NARF: variants seen among roughly 807,000 people sequenced by gnomAD.
NARF encodes the protein nuclear prelamin A recognition factor.
A neutral mutation model predicts 48.0 loss-of-function variants in NARF; 41 were observed. That is an observed-to-expected ratio of 0.85 (90% CI 0.66 to 1.11). NARF has a LOEUF of 1.11. Among genes scored for constraint, NARF ranks in the 50% least tolerant of loss-of-function variants. The probability of loss-of-function intolerance (pLI) is 0.00; values close to 1 mark genes in which losing one functional copy is unlikely to be tolerated. For missense variants in NARF, 613 were observed against 590.2 expected (o/e 1.04, Z -0.40); for synonymous variants, 215 against 225.5 (o/e 0.95, Z 0.42).
At position 82,487,983 on chromosome 17, in the gene NARF, G is replaced by C. The variant is rs761637397; in HGVS notation, c.1197G>C (p.Gln399His). ...ATGCGGATAAGGCCCTGCTGCGGCA[G>C]ATGGAAGGCATTTACGCTGACATCC... is the stretch of plus-strand genomic sequence containing the variant. ...DGHADKALLR[Q>H]MEGIYADIPV... Residue 399 changes from glutamine to histidine, a missense_variant, in exon 11 of 11, where the codon CAG (glutamine) becomes CAC (histidine). By Grantham distance (24) the Gln-to-His change is conservative (BLOSUM62 0). Coordinates refer to ENST00000309794, the MANE Select transcript of NARF (RefSeq NM_012336.4). 5.0e-6 allele frequency: 8 copies of C among 1,614,124 alleles called. No homozygotes were observed. The East Asian group carries it at 1.1e-4, about 22-fold the overall frequency.
At chr17:82,485,745 C>T (rs932255348) in intron 10 of NARF, 91 bp downstream of exon 10, 9 of 1,436,804 alleles carry the variant, frequency 6.3e-6, no homozygotes, top group Non-Finnish European at 7.6e-6. Flanking sequence ...GTGCTCTTGG[C>T]CACCCAGAGC....
rs553636663 is a variant in NARF, at chr17:82,489,500, G to A, written c.*1343G>A. Reference sequence around the variant, plus strand: ...TCATCATCAGCACTGTCGTGGGGTGGGAGTCGGGGGTAAAGGTTCCGTCTG... The same window carrying A: ...TCATCATCAGCACTGTCGTGGGGTGAGAGTCGGGGGTAAAGGTTCCGTCTG... On this transcript the variant is annotated 3_prime_UTR_variant, in exon 11 of 11. Coordinates refer to ENST00000309794, the MANE Select transcript of NARF (RefSeq NM_012336.4). 1 of 152,512 alleles carries A rather than the reference G, an allele frequency of 6.6e-6. No individual in the cohort carries two copies. Among genetic ancestry groups the A allele is most frequent in the African/African-American group, 2.4e-5 (1 of 41,574 alleles). The allele number at this position is 152,512 out of a possible 1,614,324, so 9.4% of individuals were successfully genotyped here.
chr17:82,483,519 T>G, intron 7 of NARF, 197 bp from the exon 8 acceptor site: 1 of 556,794 alleles, frequency 1.8e-6, no homozygotes, highest in Non-Finnish European at 3.2e-6. Context: ...GGAGTTAGAA[T>G]TGAATTCTGC....
At chr17:82,469,942 T>C (rs1033974825) in intron 4 of NARF, among the ~76,000 whole-genome samples, 2 of 151,482 alleles carry the variant, frequency 1.3e-5, no homozygotes, top group Non-Finnish European at 2.9e-5. Context: ...TTAAAAATTA[T>C]AAATATTGGT....
chr17:82,468,630 G>T, intron 3 of NARF, 134 bp from the exon 4 acceptor site: 9 of 791,714 alleles, frequency 1.1e-5, no homozygotes, highest in Non-Finnish European at 1.2e-5. Flanking sequence ...AATTATGTTT[G>T]CCAGTGTTTG....
At chr17:82,474,827 A>G (rs1429871879) in intron 5 of NARF, among the ~76,000 whole-genome samples, 1 of 152,188 alleles carries the variant, frequency 6.6e-6, no homozygotes, top group Non-Finnish European at 1.5e-5. Flanking sequence ...GTTCACCAGC[A>G]ACCCACAGCC....
At chr17:82,479,622 A>T (rs960332161) in intron 6 of NARF, among the ~76,000 whole-genome samples, 2 of 152,194 alleles carry the variant, frequency 1.3e-5, no homozygotes, top group African/African-American at 2.4e-5. Context: ...GCTCTTCTCA[A>T]TCAGACTTTA....
In NARF at chr17:82,488,142, G is replaced by C; in HGVS notation, c.1356G>C (p.Leu452=). ...GCCAGGAGCGTGGCACACACAGCCT[G>C]GACATCAAGTGGTGAAGTCAGGCCA... ...YQSQERGTHS[L]DIKW The change falls in exon 11 of 11, where the codon CTG becomes CTC. Residue 452 remains leucine, a synonymous_variant. Coordinates refer to ENST00000309794, the MANE Select transcript of NARF (RefSeq NM_012336.4). The C allele has an allele frequency of 6.2e-7, 1 of 1,613,832 alleles. No homozygotes were observed. The highest frequency in any genetic ancestry group is 8.5e-7 in the Non-Finnish European group (1 of 1,179,884).
chr17:82,458,778 C>T lies in NARF; in HGVS notation c.-26C>T, dbSNP rs1285594621. 8 of 1,462,678 alleles carry T rather than the reference C, an allele frequency of 5.5e-6. No homozygotes were observed. In the East Asian group the frequency reaches 1.9e-4, roughly 35 times the overall value. The allele number at this position is 1,462,678 out of a possible 1,614,324, so 90.6% of individuals were successfully genotyped here. On this transcript the variant is annotated 5_prime_UTR_variant, in exon 1 of 11. Transcript: ENST00000309794. Reference sequence around the variant, plus strand: ...CGGTGCTTCCCTGAGGCTGAGGCGCCCGGCCTCCCGCCCGCCGCGCTCCAG... The same window carrying T: ...CGGTGCTTCCCTGAGGCTGAGGCGCTCGGCCTCCCGCCCGCCGCGCTCCAG...
In NARF at chr17:82,472,632, G is replaced by A. The variant is rs770339731; in HGVS notation, c.454G>A (p.Val152Met). The A allele has an allele frequency of 4.5e-5, 73 of 1,613,786 alleles. No individual in the cohort carries two copies. Among genetic ancestry groups the A allele is most frequent in the Non-Finnish European group, 5.8e-5 (69 of 1,179,950 alleles). Reference sequence around the variant, plus strand: ...TATCCTGGAGAGTCAAAAAGAATTCGTGCGTCGCTATCGCCAGCACAGTGA... The same window carrying A: ...TATCCTGGAGAGTCAAAAAGAATTCATGCGTCGCTATCGCCAGCACAGTGA... ...FSILESQKEFVRRYRQHSEEE... is the reference protein window; with the variant it reads ...FSILESQKEFMRRYRQHSEEE... Residue 152 changes from valine (V) to methionine (M), a missense_variant, in exon 5 of 11, where the codon GTG (valine) becomes ATG (methionine). Transcript: ENST00000309794.
intron 7 of NARF, 101 bp from the exon 8 acceptor site, chr17:82,483,615 G>A: frequency 1.9e-6 from 2 of 1,042,730 alleles, no homozygotes; most frequent in Non-Finnish European, 1.5e-6. Context: ...TTTCATAAGA[G>A]GGAGGTCACC....
chr17:82,479,615 C>T (rs2043914239), intron 6 of NARF, among the ~76,000 whole-genome samples: 1 of 152,238 alleles, frequency 6.6e-6, no homozygotes, highest in Admixed American at 6.5e-5. Context: ...CCACACTGCT[C>T]TTCTCAATCA....
intron 2 of NARF, among the ~76,000 whole-genome samples, chr17:82,462,404 G>A (rs1241450107): frequency 6.6e-6 from 1 of 152,202 alleles, no homozygotes; most frequent in Non-Finnish European, 1.5e-5. Context: ...TTTTAGGGCA[G>A]GTGATGGAGG....
In NARF at chr17:82,490,209, A is replaced by G. The variant is rs1489354822; in HGVS notation, c.*2052A>G. The G allele has an allele frequency of 6.6e-6, 1 of 152,240 alleles. No homozygotes were observed. The allele number at this position is 152,240 out of a possible 1,614,324, so 9.4% of individuals were successfully genotyped here. A position where few individuals can be genotyped will look rare whatever the true frequency, so the allele number is the denominator to read the frequency against. Reference sequence around the variant, plus strand: ...TGGCAGACGCCTGAAACTCCATGGAACCATGCAGCTGTACCCTAGGGCTCC... The same window carrying G: ...TGGCAGACGCCTGAAACTCCATGGAGCCATGCAGCTGTACCCTAGGGCTCC... On this transcript the variant is annotated 3_prime_UTR_variant, in exon 11 of 11. Coordinates refer to ENST00000309794, the MANE Select transcript of NARF (RefSeq NM_012336.4).
chr17:82,479,214 G>C (rs1352962602), intron 6 of NARF: 1 of 233,396 alleles, frequency 4.3e-6, no homozygotes, highest in African/African-American at 2.3e-5. Flanking sequence ...CTGAGAATGA[G>C]GCCCCGGACC....
chr17:82,473,993 C>T (rs11872049), intron 5 of NARF, among the ~76,000 whole-genome samples: 2,257 of 152,020 alleles, frequency 0.015, 61 homozygotes, highest in African/African-American at 0.052. Flanking sequence ...GGACCAGTCT[C>T]GTCAACATAG....
chr17:82,485,054 A>G (rs1377046361), intron 9 of NARF, 104 bp downstream of exon 9: 4 of 1,367,620 alleles, frequency 2.9e-6, no homozygotes, highest in South Asian at 1.7e-5. Context: ...TGGAGTTTAC[A>G]CTAGTCAAAA....
At chr17:82,474,336 G>A (rs905792721) in intron 5 of NARF, among the ~76,000 whole-genome samples, 3 of 152,080 alleles carry the variant, frequency 2.0e-5, no homozygotes, top group Admixed American at 1.3e-4. Context: ...CTCTCAGGGC[G>A]CACTGTTTAA....
At position 82,479,028 on chromosome 17, in the gene NARF, G is replaced by T. The variant is rs2043901089; in HGVS notation, c.639+110G>T. 12 of 984,766 alleles carry T rather than the reference G, an allele frequency of 1.2e-5. No individual in the cohort carries two copies. In the South Asian group the frequency reaches 2.1e-4, roughly 17 times the overall value. 61.0% of individuals were successfully genotyped at this position (984,766 alleles called of 1,614,324 possible). A position where few individuals can be genotyped will look rare whatever the true frequency, so the allele number is the denominator to read the frequency against. ...GTCCAGCGTGGTCACGGCCCCCCAG[G>T]TGAGCAAAAAGGAAGCTGTGGCTTC... On this transcript the variant is annotated intron_variant, in intron 6 of 10. Coordinates refer to ENST00000309794, the MANE Select transcript of NARF (RefSeq NM_012336.4).
Sources: gnomAD v4.1 joint callset for allele counts (sites outside exome capture counted in the v4.1 genomes callset) on GRCh38, gnomAD v4.1.1 for gene constraint, MANE v1.5 for transcripts, NCBI Gene and HGNC (gene_info 2026-07-23, HGNC 2026-07-21) for gene names.